Variants in MMP16 observed in about 807,000 individuals in gnomAD.
MMP16 encodes the protein matrix metallopeptidase 16, also known as matrix metalloproteinase-16.
Under a neutral mutation model 67.8 loss-of-function variants are expected in MMP16, and 12 were observed. The ratio of observed to expected loss-of-function variants is 0.18; its 90% CI spans 0.11 to 0.29. The LOEUF (loss-of-function observed/expected upper bound fraction) is 0.29, where lower values mean the gene tolerates loss of function less well. MMP16 is among the 10% of genes least tolerant of loss of function. MMP16 has a pLI of 1.00. For synonymous variants in MMP16, 249 were observed against 255.9 expected, an observed-to-expected ratio of 0.97 and a Z score of 0.26; for missense variants, 475 against 765.7, an observed-to-expected ratio of 0.62 and a Z score of 4.48.
intron 1 of MMP16, among the ~76,000 whole-genome samples, chr8:88,281,407 AG>A (rs1478248564): frequency 2.6e-5 from 4 of 152,336 alleles, no homozygotes; most frequent in African/African-American, 9.6e-5. Flanking sequence ...CATCAGTGGA[AG>A]GGTCAGAGGA....
At chr8:88,291,882 G>T (rs1810930560) in intron 1 of MMP16, among the ~76,000 whole-genome samples, 1 of 152,124 alleles carries the variant, frequency 6.6e-6, no homozygotes, top group South Asian at 2.1e-4. Context: ...TTCACTAGAT[G>T]CTTTGTAAGC....
chr8:88,287,870 C>T (rs1183841496), intron 1 of MMP16, among the ~76,000 whole-genome samples: 1 of 152,048 alleles, frequency 6.6e-6, no homozygotes, highest in African/African-American at 2.4e-5. Context: ...CATTTACAGA[C>T]AAAGAAACTG....
In MMP16 at chr8:88,193,298, A is replaced by T. The variant is rs558371988; in HGVS notation, c.281+3860T>A. 2.8e-4 allele frequency among the ~76,000 whole-genome samples: 43 copies of T among 152,324 alleles called. 1 individual carries two copies. Among genetic ancestry groups the T allele is most frequent in the African/African-American group, 9.9e-4 (41 of 41,590 alleles). On this transcript the variant is annotated intron_variant, in intron 2 of 9. Transcript: ENST00000286614. ...GACATTATGTTAAGTGAAATAGGTCAGGCACAAAAAGACAAATATTGCATT... is the reference window on the plus strand; with the variant it reads ...GACATTATGTTAAGTGAAATAGGTCTGGCACAAAAAGACAAATATTGCATT...
intron 4 of MMP16, among the ~76,000 whole-genome samples, chr8:88,136,617 A>G (rs1421702536): frequency 2.0e-5 from 3 of 151,514 alleles, no homozygotes; most frequent in Non-Finnish European, 2.9e-5. Flanking sequence ...TATTAAATAA[A>G]TTCATATTAA....
intron 7 of MMP16, among the ~76,000 whole-genome samples, chr8:88,063,750 ATG>A (rs1253864800): frequency 6.6e-6 from 1 of 152,022 alleles, no homozygotes; most frequent in Non-Finnish European, 1.5e-5. Flanking sequence ...TTATCTTACT[ATG>A]CAAAATTGAC....
At chr8:88,090,659 T>C (rs967979844) in intron 6 of MMP16, among the ~76,000 whole-genome samples, 1 of 151,806 alleles carries the variant, frequency 6.6e-6, no homozygotes, top group Admixed American at 6.6e-5. Flanking sequence ...ATTAAAAAAA[T>C]TACTTTAATA....
At chr8:88,218,514 C>T (rs1412450460) in intron 1 of MMP16, among the ~76,000 whole-genome samples, 1 of 151,786 alleles carries the variant, frequency 6.6e-6, no homozygotes, top group African/African-American at 2.4e-5. Flanking sequence ...GCTAACTATG[C>T]CAGGTGATAG....
At chr8:88,245,828 A>C (rs900944155) in intron 1 of MMP16, among the ~76,000 whole-genome samples, 3 of 152,208 alleles carry the variant, frequency 2.0e-5, no homozygotes, top group Non-Finnish European at 4.4e-5. Context: ...CCCAAGGTGC[A>C]GAGCAATAAT....
At chr8:88,198,129 A>G (rs528579479) in intron 1 of MMP16, among the ~76,000 whole-genome samples, 1 of 152,336 alleles carries the variant, frequency 6.6e-6, no homozygotes, top group South Asian at 2.1e-4. Flanking sequence ...GAGTCATTTA[A>G]GGTTAAATTT....
intron 3 of MMP16, among the ~76,000 whole-genome samples, chr8:88,183,712 C>CTTTTTTTTT (rs71277981): frequency 7.0e-4 from 64 of 92,086 alleles, no homozygotes; most frequent in Non-Finnish European, 1.0e-3. Flanking sequence ...AAATGTCCTT[C>CTTTTTTTTT]TTTTTTTTTT....
chr8:88,135,108 C>A (rs1361187434), intron 4 of MMP16, among the ~76,000 whole-genome samples: 4 of 151,398 alleles, frequency 2.6e-5, no homozygotes, highest in Non-Finnish European at 4.4e-5. Flanking sequence ...TCTTTTAGTC[C>A]TTTACAAGTT....
At chr8:88,177,497 G>C (rs1041313012) in intron 3 of MMP16, among the ~76,000 whole-genome samples, 1 of 152,030 alleles carries the variant, frequency 6.6e-6, no homozygotes, top group Admixed American at 6.5e-5. Context: ...GGTGGAGGGC[G>C]GGGAGAGAGC....
chr8:88,319,289 G>A (rs141459024), intron 1 of MMP16, among the ~76,000 whole-genome samples: 1 of 152,166 alleles, frequency 6.6e-6, no homozygotes, highest in East Asian at 1.9e-4. Flanking sequence ...AAACCATCAA[G>A]TATACATTTG....
chr8:88,149,520 G>A (rs193063861), intron 4 of MMP16, among the ~76,000 whole-genome samples: 15 of 152,134 alleles, frequency 9.9e-5, no homozygotes, highest in Admixed American at 3.9e-4. Context: ...ATCTGAGAAC[G>A]GGGGGACTGC....
intron 1 of MMP16, among the ~76,000 whole-genome samples, chr8:88,309,653 T>C (rs1158209009): frequency 6.6e-6 from 1 of 152,110 alleles, no homozygotes; most frequent in Non-Finnish European, 1.5e-5. Context: ...AAAAACGGAC[T>C]GTTTAATATT....
intron 6 of MMP16, among the ~76,000 whole-genome samples, chr8:88,097,429 C>T (rs1043171312): frequency 7.9e-5 from 12 of 151,452 alleles, no homozygotes; most frequent in African/African-American, 2.9e-4. Context: ...AGTTCGGGAG[C>T]AGCTTAGACA....
chr8:88,120,893 C>T (rs982242411), intron 4 of MMP16, among the ~76,000 whole-genome samples: 1 of 151,870 alleles, frequency 6.6e-6, no homozygotes, highest in African/African-American at 2.4e-5. Flanking sequence ...CCTTGCATAT[C>T]AGGTCCCCTT....
At chr8:88,138,596 T>C (rs1177299538) in intron 4 of MMP16, among the ~76,000 whole-genome samples, 22 of 152,056 alleles carry the variant, frequency 1.4e-4, no homozygotes, top group Admixed American at 1.4e-3. Flanking sequence ...CACACTCCAA[T>C]TTGTTGTCTC....
intron 4 of MMP16, among the ~76,000 whole-genome samples, chr8:88,130,516 G>A (rs1808010059): frequency 6.6e-6 from 1 of 151,302 alleles, no homozygotes; most frequent in Non-Finnish European, 1.5e-5. Flanking sequence ...ATTCGTCTGT[G>A]GTTTATTCCA....
Sources: gnomAD v4.1 joint callset for allele counts (sites outside exome capture counted in the v4.1 genomes callset) on GRCh38, gnomAD v4.1.1 for gene constraint, MANE v1.5 for transcripts, NCBI Gene and HGNC (gene_info 2026-07-23, HGNC 2026-07-21) for gene names.